The following GALNT13 variants were observed in gnomAD, a reference collection of about 807,000 sequenced individuals.
GALNT13 encodes UDP-GalNAc:polypeptide N-acetylgalactosaminyltransferase 13.
Under a neutral mutation model 64.2 loss-of-function variants are expected in GALNT13, and 28 were observed. The ratio of observed to expected loss-of-function variants is 0.44; its 90% CI spans 0.32 to 0.60. GALNT13 has a LOEUF of 0.60. Ranked by LOEUF, GALNT13 falls within the 20% of genes least tolerant of loss-of-function variation. The pLI is 0.05. For synonymous variants in GALNT13, 214 were observed against 224.6 expected (o/e 0.95, Z 0.42); for missense variants, 577 against 669.8 (o/e 0.86, Z 1.53).
At chr2:153,925,473 G>A (rs1690060697) in intron 2 of GALNT13, among the ~76,000 whole-genome samples, 1 of 148,524 alleles carries the variant, frequency 6.7e-6, no homozygotes, top group Non-Finnish European at 1.5e-5. Flanking sequence ...GTATAGTTTG[G>A]CATCAGGTAG....
the GALNT13 span, among the ~76,000 whole-genome samples, chr2:153,330,763 TTTTA>T: frequency 6.6e-6 from 1 of 152,120 alleles, no homozygotes; most frequent in Admixed American, 6.6e-5. Flanking sequence ...TTCGTATGCC[TTTTA>T]TTTGTTTCTC....
the GALNT13 span, among the ~76,000 whole-genome samples, chr2:153,455,678 G>C: frequency 6.6e-6 from 1 of 152,114 alleles, no homozygotes; most frequent in Admixed American, 6.5e-5. Context: ...TATGGTGCTC[G>C]TTTAGCTCTG....
chr2:153,500,111 A>G, the GALNT13 span, among the ~76,000 whole-genome samples: 1 of 152,172 alleles, frequency 6.6e-6, no homozygotes, highest in Non-Finnish European at 1.5e-5. Flanking sequence ...TCTAACTGTC[A>G]TTAAGATAGG....
At chr2:153,938,727 C>G (rs899223061) in intron 2 of GALNT13, among the ~76,000 whole-genome samples, 1 of 152,132 alleles carries the variant, frequency 6.6e-6, no homozygotes, top group Admixed American at 6.5e-5. Context: ...GACGCCTTCT[C>G]TCTGTGTCTT....
chr2:153,795,378 TA>T, the GALNT13 span, among the ~76,000 whole-genome samples: 1 of 152,154 alleles, frequency 6.6e-6, no homozygotes, highest in Non-Finnish European at 1.5e-5. Flanking sequence ...CCATCAAAGC[TA>T]AAAGGGACAT....
rs577186018 is a variant in GALNT13, at chr2:154,116,718, C to A, written c.143-23619C>A. On this transcript the variant is annotated intron_variant, in intron 3 of 12. Transcript: ENST00000392825. Reference sequence around the variant, plus strand: ...CCAAGGACTATCAGTGTTCTCCATACTATTAGAAGTAGAGTCCTTAGCATT... The same window carrying A: ...CCAAGGACTATCAGTGTTCTCCATAATATTAGAAGTAGAGTCCTTAGCATT... 2.0e-5 allele frequency among the ~76,000 whole-genome samples: 3 copies of A among 152,234 alleles called. No homozygotes were observed. In the South Asian group the frequency reaches 6.2e-4, roughly 32 times the overall value.
the GALNT13 span, among the ~76,000 whole-genome samples, chr2:153,333,154 A>C: frequency 6.6e-6 from 1 of 152,240 alleles, no homozygotes; most frequent in African/African-American, 2.4e-5. Context: ...GACTGTATGC[A>C]CCTACCATAA....
At chr2:154,034,641 A>G (rs911415080) in intron 3 of GALNT13, among the ~76,000 whole-genome samples, 1 of 152,166 alleles carries the variant, frequency 6.6e-6, no homozygotes, top group Admixed American at 6.5e-5. Context: ...CTCTGTGTCC[A>G]TTTATTAATG....
chr2:153,465,276 C>G, the GALNT13 span, among the ~76,000 whole-genome samples: 1 of 151,964 alleles, frequency 6.6e-6, no homozygotes. Flanking sequence ...TTTGGAGTTT[C>G]AAGAGCACAG....
chr2:154,055,396 T>C (rs933140619), intron 3 of GALNT13, among the ~76,000 whole-genome samples: 15 of 152,098 alleles, frequency 9.9e-5, no homozygotes, highest in African/African-American at 3.6e-4. Flanking sequence ...TCACCTAGTA[T>C]TTATAATGTA....
chr2:154,172,455 C>A (rs1295888286), intron 4 of GALNT13, among the ~76,000 whole-genome samples: 3 of 151,930 alleles, frequency 2.0e-5, no homozygotes, highest in African/African-American at 7.2e-5. Flanking sequence ...TCCCCACTAC[C>A]CTTTCTGGCC....
chr2:154,290,371 G>A (rs749138293), intron 8 of GALNT13, among the ~76,000 whole-genome samples: 3 of 152,188 alleles, frequency 2.0e-5, no homozygotes, highest in Non-Finnish European at 4.4e-5. Flanking sequence ...GAAGCAAGGG[G>A]CATGCCCACT....
the GALNT13 span, among the ~76,000 whole-genome samples, chr2:153,328,014 C>T: frequency 2.0e-5 from 3 of 152,040 alleles, no homozygotes; most frequent in African/African-American, 7.2e-5. Context: ...GATGCTACTG[C>T]TTTCTGTTTG....
At chr2:153,824,146 G>A in the GALNT13 span, among the ~76,000 whole-genome samples, 1 of 151,930 alleles carries the variant, frequency 6.6e-6, no homozygotes, top group Non-Finnish European at 1.5e-5. Context: ...AGAGGAAAGG[G>A]AAGGCTATAC....
intron 4 of GALNT13, among the ~76,000 whole-genome samples, chr2:154,232,972 G>A (rs1169189006): frequency 5.3e-5 from 8 of 150,054 alleles, no homozygotes; most frequent in African/African-American, 1.5e-4. Context: ...CCCAGGAGGC[G>A]GAGGTGGCAG....
At chr2:153,643,679 T>C in the GALNT13 span, among the ~76,000 whole-genome samples, 1 of 151,922 alleles carries the variant, frequency 6.6e-6, no homozygotes, top group Admixed American at 6.6e-5. Flanking sequence ...TCTGATCTCA[T>C]TTAGCAATGT....
At chr2:153,886,642 C>T (rs558443477) in intron 1 of GALNT13, among the ~76,000 whole-genome samples, 1 of 151,980 alleles carries the variant, frequency 6.6e-6, no homozygotes. Flanking sequence ...TATCTGTTTT[C>T]TCTTGATAGT....
chr2:154,023,984 G>A (rs1200800497), intron 3 of GALNT13, among the ~76,000 whole-genome samples: 1 of 152,116 alleles, frequency 6.6e-6, no homozygotes, highest in African/African-American at 2.4e-5. Flanking sequence ...GAGATTCTGG[G>A]TTGAAAATTC....
At chr2:153,140,975 A>G in the GALNT13 span, among the ~76,000 whole-genome samples, 10 of 152,066 alleles carry the variant, frequency 6.6e-5, no homozygotes, top group Non-Finnish European at 1.0e-4. Context: ...GGAAAATTTC[A>G]TCAGCTCCCC....
Sources: allele counts gnomAD v4.1 joint callset (sites outside exome capture counted in the v4.1 genomes callset), GRCh38; gene constraint gnomAD v4.1.1; transcripts MANE v1.5; gene names NCBI Gene and HGNC (gene_info 2026-07-23, HGNC 2026-07-21).